The following ZNF347 variants were observed in gnomAD, a reference collection of about 807,000 sequenced individuals.
ZNF347 encodes zinc finger protein 347, also known as CTD-2620I22.7.
ZNF347 carries 19 observed loss-of-function variants against 12.9 expected under a neutral mutation model. That is an observed-to-expected ratio of 1.47 (90% confidence interval 1.03 to 2.16). ZNF347 has a LOEUF of 2.16. Ranked by LOEUF, ZNF347 falls within the 30% of genes most tolerant of loss-of-function variation. The pLI is 0.00. For missense variants in ZNF347, 1,005 were observed against 990.6 expected, an observed-to-expected ratio of 1.01 and a Z score of -0.19; for synonymous variants, 328 against 340.6, an observed-to-expected ratio of 0.96 and a Z score of 0.41.
chr19:53,153,734 T>G lies in ZNF347; in HGVS notation c.14A>C (p.Gln5Pro). Residue 5 changes from glutamine (Q) to proline (P), a missense_variant and splice_region_variant, in exon 2 of 5, where the codon CAG becomes CCG. Gln to Pro is a moderately conservative substitution (Grantham distance 76). Coordinates refer to ENST00000334197, the MANE Select transcript of ZNF347 (RefSeq NM_032584.3). ...AATCCACTGATAATATTACCTTACCTGGGTGAGAGCCATGCCTGACTTGTC... is the reference window on the plus strand; with the variant it reads ...AATCCACTGATAATATTACCTTACCGGGGTGAGAGCCATGCCTGACTTGTC... MALT[Q>P]GQVTFRDVAI... is the part of the protein sequence containing the mutation. 6.2e-7 allele frequency: 1 copy of G among 1,613,958 alleles called. No individual in the cohort carries two copies. Among genetic ancestry groups the G allele is most frequent in the Non-Finnish European group, 8.5e-7 (1 of 1,179,798 alleles).
At chr19:53,149,075 G>A in intron 3 of ZNF347, 166 bp downstream of exon 3, 1 of 1,386,750 alleles carries the variant, frequency 7.2e-7, no homozygotes, top group Admixed American at 2.8e-5. Flanking sequence ...GTGACATCAG[G>A]AAGAGGAAAA....
Position 53,140,630 on chromosome 19 carries a change from C to T in ZNF347, c.2198G>A (p.Gly733Glu), listed in dbSNP as rs1182640636. The change falls in exon 5 of 5, where the codon GGA becomes GAA. Residue 733 changes from glycine to glutamate, a missense_variant. By Grantham distance (98) the Gly-to-Glu change is moderately conservative. Transcript: ENST00000334197. ...CTCATTGCATTTGTAAGGTTTTTTT[C>T]CAGTATGGATTGCCTGATGGGTAGT... ...SLTTHQAIHT[G>E]KKPYKCNECG... The T allele has an allele frequency of 1.9e-6, 3 of 1,613,202 alleles. No individual in the cohort carries two copies.
chr19:53,143,765 G>A (rs994896425), intron 4 of ZNF347, among the ~76,000 whole-genome samples: 2 of 151,968 alleles, frequency 1.3e-5, no homozygotes, highest in Non-Finnish European at 2.9e-5. Flanking sequence ...GCTGGGTCAA[G>A]TGGTATTTCT....
rs1167418301 is a variant in ZNF347, at chr19:53,142,112, A to C, written c.716T>G (p.Leu239Arg). Residue 239 changes from leucine to arginine, a missense_variant, in exon 5 of 5, where the codon CTC becomes CGC. Leu to Arg is a moderately radical substitution (Grantham distance 102). Transcript: ENST00000334197. The part of the protein sequence containing the change: ...NVKTHISKKY[L>R]KDFISSLLLT... ...TAATAAAGAAGAGATAAAATCTTTG[A>C]GATATTTCTTAGAAATGTGGGTTTT... is the stretch of plus-strand genomic sequence containing the variant. 2 of 1,612,706 alleles carry C rather than the reference A, an allele frequency of 1.2e-6. No homozygotes were observed. The highest frequency in any genetic ancestry group is 2.7e-5 in the African/African-American group (2 of 74,856).
At chr19:53,144,882 T>C (rs1599854860) in intron 4 of ZNF347, among the ~76,000 whole-genome samples, 1 of 152,136 alleles carries the variant, frequency 6.6e-6, no homozygotes, top group Non-Finnish European at 1.5e-5. Context: ...GGATAGATTA[T>C]ATGTTAAGAC....
chr19:53,155,791 T>C (rs2090529777), intron 1 of ZNF347, among the ~76,000 whole-genome samples: 1 of 152,074 alleles, frequency 6.6e-6, no homozygotes, highest in East Asian at 1.9e-4. Flanking sequence ...GGCTGGTACA[T>C]GGTACACAAT....
At position 53,142,352 on chromosome 19, in the gene ZNF347, T is replaced by G; in HGVS notation, c.476A>C (p.Gln159Pro). 6.2e-7 allele frequency: 1 copy of G among 1,614,160 alleles called. No individual in the cohort carries two copies. The highest frequency in any genetic ancestry group is 1.1e-5 in the South Asian group (1 of 91,080). ...EGNYKGVLLT[Q>P]EGNLTHGRDE... Reference sequence around the variant, plus strand: ...TCTTCCATGAGTGAGATTGCCTTCTTGGGTCAAAAGCACTCCTTTGTAATT... The same window carrying G: ...TCTTCCATGAGTGAGATTGCCTTCTGGGGTCAAAAGCACTCCTTTGTAATT... Residue 159 changes from glutamine (Q) to proline (P), a missense_variant, in exon 5 of 5, where the codon CAA becomes CCA. Transcript: ENST00000334197.
chr19:53,134,999 C>T lies in ZNF347; in HGVS notation c.*5309G>A, dbSNP rs1051408210. 11 of 151,914 alleles carry T rather than the reference C, an allele frequency of 7.2e-5. No homozygotes were observed. Among genetic ancestry groups the T allele is most frequent in the African/African-American group, 2.7e-4 (11 of 41,336 alleles). The allele number at this position is 151,914 out of a possible 1,614,324, so 9.4% of individuals were successfully genotyped here. ...AATCACAATGATATATGAAGATAAA[C>T]CATTTAAAAATTACAAGAGATACTA... is the stretch of plus-strand genomic sequence containing the variant. On this transcript the variant is annotated 3_prime_UTR_variant, in exon 5 of 5. Transcript: ENST00000334197.
Position 53,141,183 on chromosome 19 carries a change from C to T in ZNF347, c.1645G>A (p.Ala549Thr), listed in dbSNP as rs777395473. The T allele has an allele frequency of 6.2e-7, 1 of 1,608,558 alleles. No individual in the cohort carries two copies. Among genetic ancestry groups the T allele is most frequent in the African/African-American group, 1.3e-5 (1 of 74,606 alleles). ...GTTAGGCTTGAATACACACTGAAGG[C>T]TTTGCCGCACTCATTACACATATAA... Reference protein sequence around the residue: ...KPYMCNECGKAFSVYSSLTTH... With the variant: ...KPYMCNECGKTFSVYSSLTTH... The change falls in exon 5 of 5, where the codon GCC becomes ACC. Residue 549 changes from alanine to threonine, a missense_variant. Physicochemically the swap from Ala to Thr is moderately conservative, Grantham distance 58. Transcript: ENST00000334197.
Position 53,135,501 on chromosome 19 carries a change from T to C in ZNF347, c.*4807A>G, listed in dbSNP as rs1453344228. On this transcript the variant is annotated 3_prime_UTR_variant, in exon 5 of 5. Transcript: ENST00000334197. Reference sequence around the variant, plus strand: ...AATTCTCCTGCCTCAGCCTCCCGAATAGCTGGGATTACAGGCGCCCGCCAT... The same window carrying C: ...AATTCTCCTGCCTCAGCCTCCCGAACAGCTGGGATTACAGGCGCCCGCCAT... 1 of 151,982 alleles carries C rather than the reference T, an allele frequency of 6.6e-6. No homozygotes were observed. Among genetic ancestry groups the C allele is most frequent in the East Asian group, 1.9e-4 (1 of 5,180 alleles). 9.4% of individuals were successfully genotyped at this position (151,982 alleles called of 1,614,324 possible).
At chr19:53,148,002 A>G (rs1218578066) in intron 4 of ZNF347, among the ~76,000 whole-genome samples, 1 of 152,190 alleles carries the variant, frequency 6.6e-6, no homozygotes, top group Non-Finnish European at 1.5e-5. Context: ...GGGTACAGAA[A>G]AAACATACCT....
Position 53,135,327 on chromosome 19 carries a change from T to TAGAGAGAGAG in ZNF347, c.*4980_*4981insCTCTCTCTCT, listed in dbSNP as rs1568632525. ...ATATATATATATATATATATATATA[T>TAGAGAGAGAG]ATATATATATATAGAGAGAGAGAGA... On this transcript the variant is annotated 3_prime_UTR_variant, in exon 5 of 5. Transcript: ENST00000334197. The TAGAGAGAGAG allele has an allele frequency of 2.3e-5, 1 of 42,634 alleles. No homozygotes were observed. Among genetic ancestry groups the TAGAGAGAGAG allele is most frequent in the African/African-American group, 8.0e-5 (1 of 12,432 alleles). The allele number at this position is 42,634 out of a possible 1,614,324, so 2.6% of individuals were successfully genotyped here.
At chr19:53,154,377 C>A (rs1031842094) in intron 1 of ZNF347, among the ~76,000 whole-genome samples, 2 of 151,886 alleles carry the variant, frequency 1.3e-5, no homozygotes, top group African/African-American at 4.8e-5. Flanking sequence ...GTAACCTCAG[C>A]ACTTTGGGAG....
rs1221391857 is a variant in ZNF347, at chr19:53,141,621, A to G, written c.1207T>C (p.Cys403Arg). 6.2e-7 allele frequency: 1 copy of G among 1,613,884 alleles called. No individual in the cohort carries two copies. Among genetic ancestry groups the G allele is most frequent in the African/African-American group, 1.3e-5 (1 of 74,906 alleles). ...ATHSGEKPYK[C>R]NECGKVFTQN... is the part of the protein sequence containing the mutation. ...GTGAAGACCTTGCCACATTCATTAC[A>G]TTTGTAAGGTTTTTCTCCACTGTGG... is the stretch of plus-strand genomic sequence containing the variant. Residue 403 changes from cysteine (C) to arginine (R), a missense_variant, in exon 5 of 5, where the codon TGT (cysteine) becomes CGT (arginine). Transcript: ENST00000334197.
intron 4 of ZNF347, among the ~76,000 whole-genome samples, 181 bp from the exon 5 acceptor site, chr19:53,142,737 A>G (rs912854563): frequency 6.6e-6 from 1 of 152,200 alleles, no homozygotes; most frequent in Admixed American, 6.5e-5. Flanking sequence ...AGGAAAGAGG[A>G]TTGTTTAATA....
chr19:53,158,382 G>T (rs927171535), intron 1 of ZNF347, among the ~76,000 whole-genome samples: 2 of 152,326 alleles, frequency 1.3e-5, no homozygotes, highest in East Asian at 3.9e-4. Flanking sequence ...AGGGGCCGAC[G>T]AGGGCGAGGC....
intron 4 of ZNF347, among the ~76,000 whole-genome samples, chr19:53,143,310 T>C (rs1371895850): frequency 2.6e-5 from 4 of 151,836 alleles, no homozygotes; most frequent in African/African-American, 4.8e-5. Context: ...ATGTGCCATG[T>C]TGGTGTGCTG....
intron 4 of ZNF347, among the ~76,000 whole-genome samples, chr19:53,145,521 T>G (rs2090457536): frequency 6.6e-6 from 1 of 151,460 alleles, no homozygotes; most frequent in Admixed American, 6.6e-5. Flanking sequence ...GCCCCCCAAG[T>G]AGCAGAGACC....
At chr19:53,153,530 T>C (rs1026025625) in intron 2 of ZNF347, among the ~76,000 whole-genome samples, 4 of 152,160 alleles carry the variant, frequency 2.6e-5, no homozygotes, top group Non-Finnish European at 4.4e-5. Flanking sequence ...CCATGCCCAG[T>C]GCAGCCTCTT....
Sources: gnomAD v4.1 joint callset for allele counts (sites outside exome capture counted in the v4.1 genomes callset) on GRCh38, gnomAD v4.1.1 for gene constraint, MANE v1.5 for transcripts, NCBI Gene and HGNC (gene_info 2026-07-23, HGNC 2026-07-21) for gene names.